Variants in TRIM37 observed in about 807,000 individuals in gnomAD.
TRIM37 encodes tripartite motif containing 37.
TRIM37 carries 80 observed loss-of-function variants against 129.8 expected under a neutral mutation model. That is an observed-to-expected ratio of 0.62 (90% confidence interval 0.51 to 0.74). The LOEUF is 0.74. Among genes scored for constraint, TRIM37 ranks in the 30% least tolerant of loss-of-function variants. The pLI is 0.00. For synonymous variants in TRIM37, 389 were observed against 387.1 expected (o/e 1.00, Z -0.06); for missense variants, 1,054 against 1,176.5 (o/e 0.90, Z 1.52).
chr17:59,066,526 T>A (rs2041932669), intron 9 of TRIM37, among the ~76,000 whole-genome samples: 1 of 152,188 alleles, frequency 6.6e-6, no homozygotes, highest in Admixed American at 6.5e-5. Context: ...GATGCCATTT[T>A]CAACTCAGAA....
rs767393053 is a variant in TRIM37, at chr17:59,057,051, A to G, written c.1023T>C (p.Tyr341=). The G allele has an allele frequency of 1.3e-5, 21 of 1,613,494 alleles. No individual in the cohort carries two copies. The highest frequency in any genetic ancestry group is 3.3e-4 in the Middle Eastern group (2 of 6,080). ...GGTGAACCATCTCTACACGATATTC[A>G]TATCTAAAATTGAAAAACAGACCAT... is the stretch of plus-strand genomic sequence containing the variant. The part of the protein sequence containing the change: ...LSAGLPETSK[Y]EYRVEMVHQS... Residue 341 remains tyrosine (Y), a synonymous_variant, in exon 13 of 24, where the codon TAT becomes TAC. Transcript: ENST00000262294.
At chr17:59,069,380 T>C (rs1378960598) in intron 9 of TRIM37, among the ~76,000 whole-genome samples, 1 of 151,454 alleles carries the variant, frequency 6.6e-6, no homozygotes, top group Non-Finnish European at 1.5e-5. Flanking sequence ...ATTAAAAAAA[T>C]AAAAAATAAA....
Position 59,065,023 on chromosome 17 carries a change from C to T in TRIM37, c.810-618G>A, listed in dbSNP as rs146466328. ...TCAAGATTGCACTACCACACTCCAG[C>T]GAGGGCGACAGAGCCAGACTCTGTC... On this transcript the variant is annotated intron_variant, in intron 9 of 23. Coordinates refer to ENST00000262294, the MANE Select transcript of TRIM37 (RefSeq NM_015294.6). Among the ~76,000 whole-genome samples, 371 of 152,170 alleles carry T rather than the reference C, an allele frequency of 2.4e-3. 4 individuals are homozygous for T. Among genetic ancestry groups the T allele is most frequent in the African/African-American group, 8.3e-3 (344 of 41,520 alleles).
chr17:59,001,654 G>C lies in TRIM37; in HGVS notation c.2756C>G (p.Thr919Ser), dbSNP rs2033790181. The C allele has an allele frequency of 6.2e-7, 1 of 1,614,022 alleles. No homozygotes were observed. The highest frequency in any genetic ancestry group is 8.5e-7 in the Non-Finnish European group (1 of 1,179,970). ...DTENEEQEEH[T>S]SVGGFHDSFM... ...GGAGTCGTGAAACCCGCCCACACTG[G>C]TATGCTCTTCCTGCTCCTCATTCTC... The change falls in exon 23 of 24, where the codon ACC becomes AGC. Residue 919 changes from threonine to serine, a missense_variant. Thr to Ser is a moderately conservative substitution (Grantham distance 58, BLOSUM62 1). Transcript: ENST00000262294.
chr17:59,075,138 C>T (rs2042693629), intron 8 of TRIM37, among the ~76,000 whole-genome samples: 2 of 151,932 alleles, frequency 1.3e-5, no homozygotes, highest in African/African-American at 2.4e-5. Flanking sequence ...AATGCAGTTC[C>T]CAAACATGAA....
At chr17:59,031,261 A>T (rs976355681) in intron 18 of TRIM37, among the ~76,000 whole-genome samples, 2 of 152,232 alleles carry the variant, frequency 1.3e-5, no homozygotes, top group African/African-American at 4.8e-5. Context: ...TATTTGGCAT[A>T]TATTTTTGAA....
At chr17:58,975,113 G>A in the TRIM37 span, among the ~76,000 whole-genome samples, 55 of 152,264 alleles carry the variant, frequency 3.6e-4, no homozygotes, top group African/African-American at 1.2e-3. Context: ...GAAAATCACC[G>A]AACCAGAGGA....
chr17:59,002,704 G>T (rs1297410471), intron 22 of TRIM37, among the ~76,000 whole-genome samples: 1 of 152,070 alleles, frequency 6.6e-6, no homozygotes, highest in African/African-American at 2.4e-5. Flanking sequence ...AGGCAGAAAG[G>T]AAATCCACAG....
At chr17:59,086,218 A>G (rs1281480071) in intron 4 of TRIM37, among the ~76,000 whole-genome samples, 2 of 152,174 alleles carry the variant, frequency 1.3e-5, no homozygotes, top group East Asian at 1.9e-4. Flanking sequence ...TCTTGTTTAT[A>G]AAGTAGACAT....
chr17:59,074,745 G>A (rs1343728013), intron 8 of TRIM37, among the ~76,000 whole-genome samples: 1 of 152,154 alleles, frequency 6.6e-6, no homozygotes, highest in Non-Finnish European at 1.5e-5. Context: ...AAGGCATAGA[G>A]AGAAATTACA....
chr17:59,079,784 G>A lies in TRIM37; in HGVS notation c.586C>T (p.Gln196Ter), dbSNP rs1568191596. 6.2e-7 allele frequency: 1 copy of A among 1,614,056 alleles called. No homozygotes were observed. The highest frequency in any genetic ancestry group is 1.7e-5 in the Admixed American group (1 of 60,020). ...AGTGTTATAAGCTTATTCTTCAGCT[G>A]TGTGTCTAACCGTGCAATCATCATC... ...VEMMIARLDT[Q>*]LKNKLITLMG... Residue 196 changes from glutamine (Q) to a stop codon, truncating the protein, a stop_gained, in exon 7 of 24, where the codon CAG becomes TAG. Coordinates refer to ENST00000262294, the MANE Select transcript of TRIM37 (RefSeq NM_015294.6). LOFTEE classifies it high-confidence loss of function.
chr17:59,066,846 A>G (rs1381336456), intron 9 of TRIM37, among the ~76,000 whole-genome samples: 1 of 152,206 alleles, frequency 6.6e-6, no homozygotes, highest in Non-Finnish European at 1.5e-5. Context: ...AATCATAATT[A>G]TAAACCCAAA....
At chr17:59,069,829 GAA>G (rs752776922) in intron 9 of TRIM37, among the ~76,000 whole-genome samples, 6 of 152,146 alleles carry the variant, frequency 3.9e-5, no homozygotes, top group Non-Finnish European at 7.4e-5. Flanking sequence ...CATAAAAAGA[GAA>G]AGAGACACCA....
rs2146129205 is a variant in TRIM37, at chr17:59,049,168, TC to T, written c.1530+9del. 6.2e-7 allele frequency: 1 copy of T among 1,610,434 alleles called. No individual in the cohort carries two copies. The highest frequency in any genetic ancestry group is 1.3e-5 in the African/African-American group (1 of 74,974). ...CAAACACAAAAATCTAAAACTGGCC[TC>T]ATTATTACATGATAATCTTCATTCT... On this transcript the variant is annotated intron_variant, in intron 15 of 23. Transcript: ENST00000262294.
intron 11 of TRIM37, 134 bp downstream of exon 11, chr17:59,062,433 G>A (rs1401875875): frequency 1.4e-6 from 1 of 723,358 alleles, no homozygotes; most frequent in Non-Finnish European, 2.4e-6. Flanking sequence ...GGAAGAAGGG[G>A]AACAGGGAAT....
intron 16 of TRIM37, among the ~76,000 whole-genome samples, chr17:59,042,437 A>ATATATATAT (rs2039298010): frequency 1.3e-5 from 1 of 74,290 alleles, no homozygotes; most frequent in African/African-American, 7.1e-5. Context: ...AATTTAAAAA[A>ATATATATAT]AAAAAAAAAA....
intron 21 of TRIM37, among the ~76,000 whole-genome samples, chr17:59,014,549 A>G (rs2035671123): frequency 1.3e-5 from 2 of 152,138 alleles, no homozygotes; most frequent in Admixed American, 1.3e-4. Flanking sequence ...TCCAACTATA[A>G]GTTTTGAGGA....
At chr17:59,084,318 A>G (rs747067421) in intron 4 of TRIM37, among the ~76,000 whole-genome samples, 3 of 152,214 alleles carry the variant, frequency 2.0e-5, no homozygotes, top group Non-Finnish European at 4.4e-5. Flanking sequence ...CATGCGAAAT[A>G]CAGATTTGCT....
chr17:59,014,898 C>A (rs1352765383), intron 21 of TRIM37, among the ~76,000 whole-genome samples: 1 of 149,658 alleles, frequency 6.7e-6, no homozygotes, highest in African/African-American at 2.5e-5. Flanking sequence ...AACCCCATCT[C>A]TACTAAAAAT....
Sources: allele counts gnomAD v4.1 joint callset (sites outside exome capture counted in the v4.1 genomes callset), GRCh38; gene constraint gnomAD v4.1.1; transcripts MANE v1.5; gene names NCBI Gene and HGNC (gene_info 2026-07-23, HGNC 2026-07-21).